The following SUSD4 variants were observed in gnomAD, a reference collection of about 807,000 sequenced individuals.
The protein encoded by SUSD4 is sushi domain containing 4.
In SUSD4, 41 loss-of-function variants were observed where a neutral mutation model predicts 50.5. The ratio of observed to expected loss-of-function variants is 0.81; its 90% CI spans 0.63 to 1.05. SUSD4 has a LOEUF of 1.05. Ranked by LOEUF, SUSD4 falls within the 50% of genes least tolerant of loss-of-function variation. SUSD4 has a pLI of 0.00. For synonymous variants in SUSD4, 257 were observed against 257.3 expected, an observed-to-expected ratio of 1.00 and a Z score of 0.01; for missense variants, 580 against 634.7, an observed-to-expected ratio of 0.91 and a Z score of 0.93.
intron 3 of SUSD4, among the ~76,000 whole-genome samples, chr1:223,286,454 T>C (rs1664147682): frequency 6.6e-6 from 1 of 152,110 alleles, no homozygotes; most frequent in Non-Finnish European, 1.5e-5. Flanking sequence ...TTTCGTCATG[T>C]TGACCAGGCT....
chr1:223,283,431 G>C (rs977488524), intron 3 of SUSD4, among the ~76,000 whole-genome samples: 24 of 152,184 alleles, frequency 1.6e-4, no homozygotes, highest in African/African-American at 5.5e-4. Context: ...GATATGAACA[G>C]ATACTTCTCA....
rs561762398 is a variant in SUSD4 at position 223,335,410 on chromosome 1, G to C, written c.148+27868C>G. ...TATGCTTTGCCAAGTTATCAGTTCA[G>C]TGTGAACAAAAGGCATTTCGAACAG... On this transcript the variant is annotated intron_variant, in intron 2 of 8. Coordinates refer to ENST00000366878, the MANE Select transcript of SUSD4 (RefSeq NM_017982.4). Among the ~76,000 whole-genome samples the C allele has an allele frequency of 5.3e-4, 81 of 152,148 alleles. 1 individual carries two copies. The Middle Eastern group carries it at 0.01, about 19-fold the overall frequency.
intron 2 of SUSD4, among the ~76,000 whole-genome samples, chr1:223,299,574 G>T (rs928340694): frequency 1.3e-5 from 2 of 152,116 alleles, no homozygotes; most frequent in African/African-American, 2.4e-5. Context: ...CATTTTATAT[G>T]CCAGTTTGAC....
In SUSD4 at chr1:223,264,667, G is replaced by T; in HGVS notation, c.687C>A (p.Ile229=). The T allele has an allele frequency of 6.2e-7, 1 of 1,614,208 alleles. No homozygotes were observed. Among genetic ancestry groups the T allele is most frequent in the Non-Finnish European group, 8.5e-7 (1 of 1,180,036 alleles). The part of the protein sequence containing the change: ...SAYLECLQNL[I]WSSSPPRCLA... Reference sequence around the variant, plus strand: ...GGCACCGGGGTGGGCTGGACGACCAGATAAGGTTTTGTAAGCACTCAAGAT... The same window carrying T: ...GGCACCGGGGTGGGCTGGACGACCATATAAGGTTTTGTAAGCACTCAAGAT... The change falls in exon 5 of 9, where the codon ATC becomes ATA. Residue 229 remains isoleucine (I), a synonymous_variant. Coordinates refer to ENST00000366878, the MANE Select transcript of SUSD4 (RefSeq NM_017982.4).
intron 5 of SUSD4, among the ~76,000 whole-genome samples, chr1:223,260,449 C>T (rs924832109): frequency 1.3e-5 from 2 of 152,152 alleles, no homozygotes; most frequent in Non-Finnish European, 1.5e-5. Flanking sequence ...TCAATGTGTG[C>T]GTGTGTGTGC....
intron 5 of SUSD4, among the ~76,000 whole-genome samples, chr1:223,257,842 T>G (rs539759890): frequency 3.9e-5 from 6 of 152,228 alleles, no homozygotes; most frequent in Admixed American, 3.9e-4. Context: ...ATAGGGAGAA[T>G]AGAGTGGCCC....
intron 2 of SUSD4, among the ~76,000 whole-genome samples, chr1:223,334,378 C>T (rs1321517474): frequency 1.3e-5 from 2 of 151,904 alleles, no homozygotes; most frequent in African/African-American, 4.8e-5. Context: ...GAAAGGAGTG[C>T]CAGCATCCTA....
chr1:223,316,507 G>A (rs1666199024), intron 2 of SUSD4, among the ~76,000 whole-genome samples: 1 of 152,132 alleles, frequency 6.6e-6, no homozygotes, highest in Non-Finnish European at 1.5e-5. Flanking sequence ...AGCAGGACTG[G>A]ACGTTTCTCC....
intron 2 of SUSD4, among the ~76,000 whole-genome samples, chr1:223,296,249 G>A (rs1664816152): frequency 6.6e-6 from 1 of 152,166 alleles, no homozygotes; most frequent in Non-Finnish European, 1.5e-5. Flanking sequence ...TGACCTCCTG[G>A]ATGGGGGAGT....
chr1:223,310,540 G>A (rs1665812366), intron 2 of SUSD4, among the ~76,000 whole-genome samples: 1 of 152,140 alleles, frequency 6.6e-6, no homozygotes, highest in African/African-American at 2.4e-5. Context: ...CAATACAAAA[G>A]TGTATACAGC....
At chr1:223,360,747 A>G (rs1285627464) in intron 2 of SUSD4, among the ~76,000 whole-genome samples, 1 of 152,100 alleles carries the variant, frequency 6.6e-6, no homozygotes, top group African/African-American at 2.4e-5. Flanking sequence ...CATTGAAAGC[A>G]ATCAAAAATG....
intron 2 of SUSD4, among the ~76,000 whole-genome samples, chr1:223,349,194 G>T (rs971827879): frequency 1.3e-5 from 2 of 152,146 alleles, no homozygotes; most frequent in Non-Finnish European, 2.9e-5. Context: ...AAAGAACAAA[G>T]AAAATGTTTT....
intron 5 of SUSD4, among the ~76,000 whole-genome samples, chr1:223,244,422 T>G (rs1171453221): frequency 2.0e-5 from 3 of 151,704 alleles, no homozygotes; most frequent in Admixed American, 1.3e-4. Context: ...CTAGGAAAGG[T>G]GAGAGGTGAG....
intron 5 of SUSD4, among the ~76,000 whole-genome samples, chr1:223,241,008 C>T (rs1660543444): frequency 6.6e-6 from 1 of 152,184 alleles, no homozygotes; most frequent in Admixed American, 6.5e-5. Context: ...GCACTGTGAG[C>T]TTCACAAGTG....
In SUSD4 at chr1:223,265,239, C is replaced by T. The variant is rs367948605; in HGVS notation, c.536-421G>A. On this transcript the variant is annotated intron_variant, in intron 4 of 8. Transcript: ENST00000366878. ...GTGCTGTAAGAGGAAAGAGACACCG[C>T]CAGTGGTTTCAGTGGTGGTGAGAGC... Among the ~76,000 whole-genome samples, 13 of 152,292 alleles carry T rather than the reference C, an allele frequency of 8.5e-5. 1 individual carries two copies. The South Asian group carries it at 2.7e-3, about 32-fold the overall frequency.
intron 2 of SUSD4, among the ~76,000 whole-genome samples, chr1:223,344,802 G>A (rs575710479): frequency 1.3e-5 from 2 of 152,252 alleles, no homozygotes; most frequent in South Asian, 2.1e-4. Flanking sequence ...ACACGTGGAG[G>A]GTAGGCAGAT....
At chr1:223,363,162 C>G in intron 2 of SUSD4, 116 bp downstream of exon 2, 1 of 1,238,544 alleles carries the variant, frequency 8.1e-7, no homozygotes, top group Non-Finnish European at 1.0e-6. Context: ...CTCGCGTTGT[C>G]AGATCCTCCT....
intron 5 of SUSD4, among the ~76,000 whole-genome samples, chr1:223,256,806 C>A (rs148938400): frequency 6.6e-6 from 1 of 152,172 alleles, no homozygotes; most frequent in Non-Finnish European, 1.5e-5. Flanking sequence ...AAATTTCCAG[C>A]AGGTAGTCTG....
At chr1:223,347,264 C>A (rs1168473923) in intron 2 of SUSD4, among the ~76,000 whole-genome samples, 1 of 152,182 alleles carries the variant, frequency 6.6e-6, no homozygotes, top group Non-Finnish European at 1.5e-5. Flanking sequence ...TGACAATAGT[C>A]ACCCTGTCGT....
Sources: gnomAD v4.1 joint callset for allele counts (sites outside exome capture counted in the v4.1 genomes callset) on GRCh38, gnomAD v4.1.1 for gene constraint, MANE v1.5 for transcripts, NCBI Gene and HGNC (gene_info 2026-07-23, HGNC 2026-07-21) for gene names.